The following RSPH14 variants were observed in gnomAD, a reference collection of about 807,000 sequenced individuals.
The protein encoded by RSPH14 is radial spoke head 14 homolog.
In RSPH14, 20 loss-of-function variants were observed where a neutral mutation model predicts 26.7. That is an observed-to-expected ratio of 0.75 (90% CI 0.53 to 1.09). RSPH14 has a LOEUF of 1.09. Among genes scored for constraint, RSPH14 ranks in the 50% least tolerant of loss-of-function variants. The pLI, the probability that RSPH14 is intolerant of heterozygous loss-of-function variation, is 0.00. For synonymous variants in RSPH14, 177 were observed against 189.3 expected (o/e 0.93, Z 0.53); for missense variants, 449 against 457.2 (o/e 0.98, Z 0.16).
intron 4 of RSPH14, among the ~76,000 whole-genome samples, chr22:23,129,828 G>C (rs1314813723): frequency 6.6e-6 from 1 of 151,822 alleles, no homozygotes; most frequent in Non-Finnish European, 1.5e-5. Flanking sequence ...GCTGAGTCAG[G>C]AGAATCACTT....
chr22:23,097,519 C>T (rs1460231582), intron 4 of RSPH14, among the ~76,000 whole-genome samples: 2 of 152,214 alleles, frequency 1.3e-5, no homozygotes, highest in East Asian at 1.9e-4. Flanking sequence ...TCAGGGGTCT[C>T]CCTGGAACTG....
At chr22:23,088,243 G>C (rs1396527794) in intron 4 of RSPH14, among the ~76,000 whole-genome samples, 1 of 152,222 alleles carries the variant, frequency 6.6e-6, no homozygotes, top group Non-Finnish European at 1.5e-5. Flanking sequence ...CCAAAATGTG[G>C]GTTCAGGGTA....
At chr22:23,172,963 A>G in the RSPH14 span, among the ~76,000 whole-genome samples, 1 of 151,696 alleles carries the variant, frequency 6.6e-6, no homozygotes, top group Admixed American at 6.6e-5. Flanking sequence ...AAAAAAAAAG[A>G]ATGTCATATA....
At chr22:23,161,698 C>T in the RSPH14 span, 1 of 741,018 alleles carries the variant, frequency 1.3e-6, no homozygotes, top group Non-Finnish European at 2.2e-6. Context: ...CCAGTCCCTC[C>T]ACCCACCCAC....
chr22:23,148,129 G>A (rs1758476361), upstream of RSPH14, among the ~76,000 whole-genome samples: 1 of 152,076 alleles, frequency 6.6e-6, no homozygotes, highest in Non-Finnish European at 1.5e-5. Flanking sequence ...CAGGTCCTGG[G>A]TATTTGGAGT....
At chr22:23,135,300 C>T (rs1297838315) in intron 3 of RSPH14, among the ~76,000 whole-genome samples, 12 of 147,074 alleles carry the variant, frequency 8.2e-5, no homozygotes, top group African/African-American at 2.3e-4. Context: ...AGTGAAACCC[C>T]GCCTGTACTA....
intron 4 of RSPH14, among the ~76,000 whole-genome samples, chr22:23,125,427 T>C (rs2070158231): frequency 6.6e-6 from 1 of 152,166 alleles, no homozygotes; most frequent in Non-Finnish European, 1.5e-5. Context: ...CCTGAGGGCC[T>C]GGAGGGTTCC....
At chr22:23,066,488 G>A (rs1419767946) in intron 4 of RSPH14, among the ~76,000 whole-genome samples, 1 of 152,206 alleles carries the variant, frequency 6.6e-6, no homozygotes, top group Non-Finnish European at 1.5e-5. Context: ...CATTTGTCTT[G>A]TACTTCTGCT....
At chr22:23,078,488 CA>C (rs57845933) in intron 4 of RSPH14, among the ~76,000 whole-genome samples, 20,604 of 152,252 alleles carry the variant, frequency 0.14, 1,607 homozygotes, top group East Asian at 0.32. Context: ...CTGACACCCC[CA>C]TCTCTGTCGT....
At chr22:23,152,578 A>G in the RSPH14 span, 3 of 1,561,316 alleles carry the variant, frequency 1.9e-6, no homozygotes, top group South Asian at 2.2e-5. Context: ...CCAGGTTGTC[A>G]TACCTTTGCC....
the RSPH14 span, chr22:23,157,933 A>T: frequency 1.2e-6 from 2 of 1,609,412 alleles, no homozygotes; most frequent in Non-Finnish European, 1.7e-6. Flanking sequence ...CCTCCTGGGG[A>T]GCCCCCTTGC....
intron 4 of RSPH14, among the ~76,000 whole-genome samples, chr22:23,064,731 T>A (rs528982619): frequency 6.6e-6 from 1 of 152,306 alleles, no homozygotes; most frequent in Admixed American, 6.5e-5. Context: ...GGCTCTCGTC[T>A]TCAAGGGACC....
At chr22:23,144,242 C>G (rs2146464999), upstream of RSPH14, among the ~76,000 whole-genome samples, 1 of 151,744 alleles carries the variant, frequency 6.6e-6, no homozygotes, top group African/African-American at 2.4e-5. Context: ...CTCCCTTCCC[C>G]TAATTCTCTA....
intron 5 of RSPH14, among the ~76,000 whole-genome samples, chr22:23,062,899 A>G (rs2068123835): frequency 6.6e-6 from 1 of 152,274 alleles, no homozygotes; most frequent in African/African-American, 2.4e-5. Flanking sequence ...TTAGGGCCAG[A>G]TAATTCTCAA....
chr22:23,091,591 C>A (rs2068979649), intron 4 of RSPH14, among the ~76,000 whole-genome samples: 1 of 151,574 alleles, frequency 6.6e-6, no homozygotes, highest in Non-Finnish European at 1.5e-5. Flanking sequence ...TTTGCACACA[C>A]ACAGGCACCT....
At chr22:23,127,431 C>T (rs1233804654) in intron 4 of RSPH14, among the ~76,000 whole-genome samples, 1 of 152,220 alleles carries the variant, frequency 6.6e-6, no homozygotes, top group Non-Finnish European at 1.5e-5. Context: ...TGCACCCTGC[C>T]CTGAGGGCAG....
Position 23,064,085 on chromosome 22 carries a change from T to C in RSPH14, c.470A>G (p.Lys157Arg). ...CTCCTCCTCCACCTCCACCTGCAGC[T>C]TCCATACCAGTGAGGAAATCAGACC... is the stretch of plus-strand genomic sequence containing the variant. ...SKGLISSLVW[K>R]LQVEVEEEEF... is the part of the protein sequence containing the mutation. Residue 157 changes from lysine (K) to arginine (R), a missense_variant, in exon 5 of 7, where the codon AAG becomes AGG. Transcript: ENST00000216036. The C allele has an allele frequency of 6.2e-7, 1 of 1,614,168 alleles. No individual in the cohort carries two copies. Among genetic ancestry groups the C allele is most frequent in the East Asian group, 2.2e-5 (1 of 44,870 alleles).
intron 4 of RSPH14, among the ~76,000 whole-genome samples, chr22:23,085,646 A>G (rs1159522475): frequency 6.6e-6 from 1 of 152,206 alleles, no homozygotes; most frequent in Non-Finnish European, 1.5e-5. Context: ...CCACAGCCCA[A>G]CAGCCTCCAT....
chr22:23,066,359 C>T (rs2068210906), intron 4 of RSPH14, among the ~76,000 whole-genome samples: 1 of 152,058 alleles, frequency 6.6e-6, no homozygotes, highest in Admixed American at 6.5e-5. Context: ...CCTCCATTAC[C>T]CACCTCTCCT....
Sources: allele counts gnomAD v4.1 joint callset (sites outside exome capture counted in the v4.1 genomes callset), GRCh38; gene constraint gnomAD v4.1.1; transcripts MANE v1.5; gene names NCBI Gene and HGNC (gene_info 2026-07-23, HGNC 2026-07-21).